The following TUSC3 variants were observed in gnomAD, a reference collection of about 807,000 sequenced individuals.
The protein encoded by TUSC3 is tumor suppressor candidate 3.
A neutral mutation model predicts 44.8 loss-of-function variants in TUSC3; 45 were observed. The observed-to-expected ratio is 1.00, with a 90% confidence interval of 0.79 to 1.29. TUSC3 has a LOEUF of 1.29. Among genes scored for constraint, TUSC3 ranks in the 50% most tolerant of loss-of-function variants. TUSC3 has a pLI of 0.00. For missense variants in TUSC3, 519 were observed against 437.9 expected (o/e 1.19, Z -1.65); for synonymous variants, 212 against 152.9 (o/e 1.39, Z -2.85).
At chr8:15,731,496 G>A (rs1253028217) in intron 7 of TUSC3, among the ~76,000 whole-genome samples, 1 of 152,018 alleles carries the variant, frequency 6.6e-6, no homozygotes, top group African/African-American at 2.4e-5. Flanking sequence ...TATAACCAAA[G>A]GTGTAAATCT....
At chr8:15,614,302 T>C (rs1804892535) in intron 1 of TUSC3, among the ~76,000 whole-genome samples, 1 of 152,168 alleles carries the variant, frequency 6.6e-6, no homozygotes, top group Non-Finnish European at 1.5e-5. Context: ...TATGTAGGTA[T>C]GTTTTACATT....
intron 2 of TUSC3, among the ~76,000 whole-genome samples, chr8:15,624,350 G>C (rs553041974): frequency 6.6e-6 from 1 of 152,112 alleles, no homozygotes; most frequent in Non-Finnish European, 1.5e-5. Context: ...GTGGTGGTTA[G>C]GTTGTGTGGT....
chr8:15,553,374 A>T lies in TUSC3; in HGVS notation c.138+12806A>T, dbSNP rs1036264703. Among the ~76,000 whole-genome samples the T allele has an allele frequency of 2.6e-5, 4 of 151,692 alleles. 1 individual carries two copies. The highest frequency in any genetic ancestry group is 5.9e-5 in the Non-Finnish European group (4 of 67,866). On this transcript the variant is annotated intron_variant, in intron 1 of 10. Coordinates refer to ENST00000503731, the MANE Select transcript of TUSC3 (RefSeq NM_006765.4). ...GTGTGCTGCAAAAGCGATGCTTGCA[A>T]AAGATCCTTGGACTTCGTTGCTGGA... is the stretch of plus-strand genomic sequence containing the variant.
chr8:15,582,480 C>G (rs74421979), intron 1 of TUSC3, among the ~76,000 whole-genome samples: 3 of 152,156 alleles, frequency 2.0e-5, no homozygotes, highest in African/African-American at 7.2e-5. Context: ...AATATCAACA[C>G]TTAATAAGTT....
chr8:15,442,849 G>T (rs893361884), intron 1 of TUSC3, among the ~76,000 whole-genome samples: 1 of 152,126 alleles, frequency 6.6e-6, no homozygotes, highest in African/African-American at 2.4e-5. Context: ...TATCCATGGT[G>T]CATGGAGCCC....
chr8:15,500,025 A>G, intron 2 of TUSC3, among the ~76,000 whole-genome samples: 1 of 152,154 alleles, frequency 6.6e-6, no homozygotes, highest in East Asian at 1.9e-4. Flanking sequence ...TTTCTAACCC[A>G]TCTTAGCCAT....
In TUSC3 at chr8:15,635,140, A is replaced by G. The variant is rs145503159; in HGVS notation, c.308+11891A>G. ...CTCAAGGTAACTGTCAAGGAAGGAA[A>G]GGAAGCATTATGCCCGGGAATGGTC... On this transcript the variant is annotated intron_variant, in intron 2 of 10. Transcript: ENST00000503731. 3.9e-5 allele frequency among the ~76,000 whole-genome samples: 6 copies of G among 152,304 alleles called. No homozygotes were observed. The East Asian group carries it at 1.2e-3, about 29-fold the overall frequency.
chr8:15,666,768 C>G (rs1375195545), intron 5 of TUSC3, among the ~76,000 whole-genome samples: 1 of 150,986 alleles, frequency 6.6e-6, no homozygotes, highest in East Asian at 1.9e-4. Context: ...TGGATGGCCC[C>G]AGACAGTTCT....
upstream of TUSC3, among the ~76,000 whole-genome samples, chr8:15,536,397 G>A (rs1384994518): frequency 6.6e-6 from 1 of 152,034 alleles, no homozygotes; most frequent in Non-Finnish European, 1.5e-5. Flanking sequence ...AAGAATGCAA[G>A]AGGACTGGGC....
At chr8:15,807,735 C>T in the TUSC3 span, among the ~76,000 whole-genome samples, 4 of 152,136 alleles carry the variant, frequency 2.6e-5, no homozygotes, top group African/African-American at 9.7e-5. Context: ...AGCTGGAGGC[C>T]ATTATCCCAA....
chr8:15,650,892 C>G, intron 3 of TUSC3, 78 bp downstream of exon 3: 3 of 1,438,072 alleles, frequency 2.1e-6, no homozygotes, highest in Non-Finnish European at 2.9e-6. Flanking sequence ...CATAAAAATA[C>G]AATTCATTCA....
chr8:15,808,692 C>A, the TUSC3 span, among the ~76,000 whole-genome samples: 1 of 152,072 alleles, frequency 6.6e-6, no homozygotes, highest in Non-Finnish European at 1.5e-5. Context: ...AGGCAATTTG[C>A]CCAGTGGCTT....
intron 1 of TUSC3, among the ~76,000 whole-genome samples, chr8:15,438,246 C>T (rs5006320): frequency 0.16 from 24,638 of 151,986 alleles, 2,058 homozygotes; most frequent in Middle Eastern, 0.22. Context: ...AGGCATGCGC[C>T]ACCACGCCCA....
chr8:15,789,620 A>G, the TUSC3 span, among the ~76,000 whole-genome samples: 494 of 151,942 alleles, frequency 3.3e-3, 2 homozygotes, highest in Non-Finnish European at 5.0e-3. Flanking sequence ...TGTCAATTAT[A>G]TATTTGTGTA....
At chr8:15,559,434 A>T (rs1227212537) in intron 1 of TUSC3, among the ~76,000 whole-genome samples, 2 of 147,910 alleles carry the variant, frequency 1.4e-5, no homozygotes, top group African/African-American at 4.9e-5. Context: ...TATGTGGTCA[A>T]TTTTGGAATA....
At chr8:15,505,948 A>T (rs1184808299) in intron 2 of TUSC3, among the ~76,000 whole-genome samples, 1 of 152,190 alleles carries the variant, frequency 6.6e-6, no homozygotes, top group Non-Finnish European at 1.5e-5. Context: ...GGATACAGTG[A>T]TTAGGCTAAA....
intron 2 of TUSC3, among the ~76,000 whole-genome samples, chr8:15,492,129 G>A (rs2129125918): frequency 6.6e-6 from 1 of 152,162 alleles, no homozygotes; most frequent in South Asian, 2.1e-4. Context: ...CAGTCTTTTT[G>A]GCTGCCATCT....
At chr8:15,672,127 G>T (rs1262951852) in intron 5 of TUSC3, among the ~76,000 whole-genome samples, 1 of 152,024 alleles carries the variant, frequency 6.6e-6, no homozygotes, top group East Asian at 1.9e-4. Flanking sequence ...GGGGAAGCAA[G>T]AAGAGTGGCC....
intron 1 of TUSC3, among the ~76,000 whole-genome samples, chr8:15,433,247 T>TA (rs1268467574): frequency 2.6e-5 from 4 of 152,094 alleles, no homozygotes; most frequent in Non-Finnish European, 5.9e-5. Context: ...CCCATATATT[T>TA]AAAAAAACAA....
Sources: gnomAD v4.1 joint callset for allele counts (sites outside exome capture counted in the v4.1 genomes callset) on GRCh38, gnomAD v4.1.1 for gene constraint, MANE v1.5 for transcripts, NCBI Gene and HGNC (gene_info 2026-07-23, HGNC 2026-07-21) for gene names.